The following ZCWPW2 variants were observed in gnomAD, a reference collection of about 807,000 sequenced individuals.
ZCWPW2 encodes zinc finger CW-type PWWP domain protein 2.
A neutral mutation model predicts 46.6 loss-of-function variants in ZCWPW2; 45 were observed. That is an observed-to-expected ratio of 0.96 (90% CI 0.76 to 1.24). The LOEUF (loss-of-function observed/expected upper bound fraction) is 1.24, where lower values mean the gene tolerates loss of function less well. Ranked by LOEUF, ZCWPW2 falls within the 50% of genes most tolerant of loss-of-function variation. ZCWPW2 has a pLI of 0.00. For missense variants in ZCWPW2, 429 were observed against 403.9 expected, an observed-to-expected ratio of 1.06 and a Z score of -0.53; for synonymous variants, 152 against 137.1, an observed-to-expected ratio of 1.11 and a Z score of -0.76.
chr3:28,412,984 T>G, intron 2 of ZCWPW2, 72 bp from the exon 3 acceptor site: 3 of 1,239,136 alleles, frequency 2.4e-6, no homozygotes, highest in South Asian at 1.5e-5. Flanking sequence ...TTTCTCTGAT[T>G]TTTGGTTTGA....
rs763828946 is a variant in ZCWPW2, at chr3:28,435,135, C to G, written c.358C>G (p.Arg120Gly). ...PSWPGILCPD[R>G]FKGKYVTYDP... is the part of the protein sequence containing the mutation. ...TTGGCCAGGAATACTTTGCCCTGAC[C>G]GTTTTAAAGGGAAATATGTAACTTA... Residue 120 changes from arginine (R) to glycine (G), a missense_variant, in exon 4 of 10, where the codon CGT becomes GGT. Physicochemically the swap from Arg to Gly is moderately radical, Grantham distance 125. Coordinates refer to ENST00000383768, the MANE Select transcript of ZCWPW2 (RefSeq NM_001040432.4). 6.2e-7 allele frequency: 1 copy of G among 1,611,044 alleles called. No individual in the cohort carries two copies. The highest frequency in any genetic ancestry group is 1.7e-5 in the Admixed American group (1 of 59,166).
At chr3:28,491,488 A>G (rs186608959) in intron 5 of ZCWPW2, among the ~76,000 whole-genome samples, 1 of 152,242 alleles carries the variant, frequency 6.6e-6, no homozygotes, top group East Asian at 1.9e-4. Context: ...GAGTGGCATA[A>G]TGAGAAAATG....
chr3:28,403,866 C>T (rs1696047642), intron 2 of ZCWPW2, among the ~76,000 whole-genome samples: 1 of 152,092 alleles, frequency 6.6e-6, no homozygotes, highest in East Asian at 1.9e-4. Context: ...ACTGGATCCT[C>T]ATCTCTCACC....
intron 1 of ZCWPW2, 22 bp downstream of exon 1, chr3:28,349,225 T>C: frequency 1.0e-6 from 1 of 984,738 alleles, no homozygotes; most frequent in Non-Finnish European, 1.2e-6. Flanking sequence ...ACCAGCCGTC[T>C]TGTCTGTTGG....
At chr3:28,429,474 G>A (rs545648501) in intron 3 of ZCWPW2, among the ~76,000 whole-genome samples, 48 of 152,296 alleles carry the variant, frequency 3.2e-4, no homozygotes, top group African/African-American at 1.2e-3. Flanking sequence ...ATGTTTAAAA[G>A]GGAAGTAGAG....
chr3:28,368,302 T>G (rs993997067), intron 1 of ZCWPW2, among the ~76,000 whole-genome samples: 2 of 152,156 alleles, frequency 1.3e-5, no homozygotes, highest in African/African-American at 4.8e-5. Flanking sequence ...CCTTCCCATG[T>G]TTAGTGCTTC....
intron 1 of ZCWPW2, among the ~76,000 whole-genome samples, chr3:28,367,246 A>G (rs1245259820): frequency 3.3e-5 from 5 of 151,994 alleles, no homozygotes; most frequent in African/African-American, 4.8e-5. Context: ...TAGGGTGTTA[A>G]TTTTAGATCT....
intron 6 of ZCWPW2, 77 bp from the exon 7 acceptor site, chr3:28,513,987 C>T: frequency 8.6e-7 from 1 of 1,161,466 alleles, no homozygotes; most frequent in South Asian, 1.7e-5. Context: ...ATTACTTGAA[C>T]TGCATGGGAC....
chr3:28,519,340 C>A (rs1024532339), intron 8 of ZCWPW2, among the ~76,000 whole-genome samples: 5 of 152,100 alleles, frequency 3.3e-5, no homozygotes, highest in African/African-American at 1.2e-4. Context: ...GTTCCTGCCC[C>A]TTAGTAGGTA....
At chr3:28,385,830 T>A (rs1472858871) in intron 1 of ZCWPW2, among the ~76,000 whole-genome samples, 1 of 152,222 alleles carries the variant, frequency 6.6e-6, no homozygotes, top group Admixed American at 6.5e-5. Flanking sequence ...CAGATTTGAT[T>A]TACTGTTTTA....
At chr3:28,409,039 TA>T (rs1169747562) in intron 2 of ZCWPW2, among the ~76,000 whole-genome samples, 2 of 151,522 alleles carry the variant, frequency 1.3e-5, no homozygotes, top group Non-Finnish European at 2.9e-5. Context: ...ACTACTTAGA[TA>T]AAAAGTAGAG....
intron 1 of ZCWPW2, among the ~76,000 whole-genome samples, chr3:28,355,202 A>G: frequency 6.6e-6 from 1 of 152,236 alleles, no homozygotes; most frequent in Non-Finnish European, 1.5e-5. Flanking sequence ...ATTCTTATAC[A>G]CCAATAACAG....
At chr3:28,377,200 G>A (rs1330740467) in intron 1 of ZCWPW2, among the ~76,000 whole-genome samples, 1 of 151,810 alleles carries the variant, frequency 6.6e-6, no homozygotes, top group South Asian at 2.1e-4. Flanking sequence ...CATATGTCAT[G>A]CATTAAAGAT....
At chr3:28,507,315 G>C (rs183122860) in intron 6 of ZCWPW2, among the ~76,000 whole-genome samples, 1 of 152,094 alleles carries the variant, frequency 6.6e-6, no homozygotes, top group Admixed American at 6.6e-5. Context: ...CATTAGTACC[G>C]ATAAAGTACT....
intron 5 of ZCWPW2, among the ~76,000 whole-genome samples, chr3:28,491,745 C>T (rs1430361396): frequency 6.6e-6 from 1 of 151,980 alleles, no homozygotes; most frequent in Non-Finnish European, 1.5e-5. Flanking sequence ...TGTCCCATGT[C>T]CAGCATATAA....
chr3:28,417,200 A>G (rs1196946642), intron 3 of ZCWPW2, among the ~76,000 whole-genome samples: 4 of 152,142 alleles, frequency 2.6e-5, no homozygotes, highest in African/African-American at 9.7e-5. Context: ...CTGATCCCAC[A>G]GAAATACAAA....
intron 4 of ZCWPW2, among the ~76,000 whole-genome samples, chr3:28,470,563 T>C (rs2125796457): frequency 7.2e-6 from 1 of 138,848 alleles, no homozygotes; most frequent in South Asian, 2.3e-4. Context: ...AAACATGACA[T>C]ACCAAAACCT....
chr3:28,380,964 A>G lies in ZCWPW2; in HGVS notation c.-133-9534A>G, dbSNP rs1184426935. Among the ~76,000 whole-genome samples the G allele has an allele frequency of 5.3e-4, 19 of 36,002 alleles. 6 individuals carry two copies. Among genetic ancestry groups the G allele is most frequent in the African/African-American group, 2.0e-3 (16 of 7,892 alleles). 23.6% of individuals were successfully genotyped at this position (36,002 alleles called of 152,430 possible). ...TATATATATATATATATATATATAT[A>G]TATATATTTGGTATATATATATATA... On this transcript the variant is annotated intron_variant, in intron 1 of 9. Coordinates refer to ENST00000383768, the MANE Select transcript of ZCWPW2 (RefSeq NM_001040432.4).
At chr3:28,424,085 C>G (rs1320858575) in intron 3 of ZCWPW2, among the ~76,000 whole-genome samples, 1 of 152,048 alleles carries the variant, frequency 6.6e-6, no homozygotes, top group Non-Finnish European at 1.5e-5. Context: ...GAATTCCTTA[C>G]TATTTTACAT....
Sources: gnomAD v4.1 joint callset for allele counts (sites outside exome capture counted in the v4.1 genomes callset) on GRCh38, gnomAD v4.1.1 for gene constraint, MANE v1.5 for transcripts, NCBI Gene and HGNC (gene_info 2026-07-23, HGNC 2026-07-21) for gene names.